The following LARGE1 variants were observed in gnomAD, a reference collection of about 807,000 sequenced individuals.
LARGE1 encodes xylosyl- and glucuronyltransferase LARGE1.
Under a neutral mutation model 87.6 loss-of-function variants are expected in LARGE1, and 43 were observed. That is an observed-to-expected ratio of 0.49 (90% CI 0.38 to 0.63). The LOEUF is 0.63. Among genes scored for constraint, LARGE1 ranks in the 30% least tolerant of loss-of-function variants. The probability of loss-of-function intolerance (pLI) is 0.00; values close to 1 mark genes in which losing one functional copy is unlikely to be tolerated. For synonymous variants in LARGE1, 434 were observed against 394.6 expected, an observed-to-expected ratio of 1.10 and a Z score of -1.18; for missense variants, 802 against 1,000.2, an observed-to-expected ratio of 0.80 and a Z score of 2.67.
At chr22:33,477,637 C>G (rs1171987790) in intron 6 of LARGE1, among the ~76,000 whole-genome samples, 1 of 152,152 alleles carries the variant, frequency 6.6e-6, no homozygotes, top group Non-Finnish European at 1.5e-5. Context: ...CCACAAAATG[C>G]CAGTGAGCTC....
intron 2 of LARGE1, among the ~76,000 whole-genome samples, chr22:33,663,221 C>T (rs1312962170): frequency 1.3e-5 from 2 of 152,092 alleles, no homozygotes; most frequent in African/African-American, 4.8e-5. Flanking sequence ...GGGATGGGCA[C>T]TTGGCAAAGA....
chr22:33,839,475 T>C (rs559720499), intron 1 of LARGE1, among the ~76,000 whole-genome samples: 2 of 152,344 alleles, frequency 1.3e-5, no homozygotes, highest in Admixed American at 1.3e-4. Flanking sequence ...GAAAAAAGCA[T>C]GTTTTCCTCA....
intron 11 of LARGE1, among the ~76,000 whole-genome samples, chr22:33,308,159 G>A (rs772323811): frequency 3.3e-5 from 5 of 152,170 alleles, no homozygotes; most frequent in Admixed American, 6.5e-5. Flanking sequence ...TAGTCATAAA[G>A]GAACAGGTAG....
At chr22:33,838,264 T>G (rs1480197687) in intron 1 of LARGE1, among the ~76,000 whole-genome samples, 1 of 152,204 alleles carries the variant, frequency 6.6e-6, no homozygotes, top group African/African-American at 2.4e-5. Flanking sequence ...TCTGACATTC[T>G]ATGTGGGGAC....
At chr22:33,306,225 G>A (rs542761817) in intron 11 of LARGE1, among the ~76,000 whole-genome samples, 38 of 152,276 alleles carry the variant, frequency 2.5e-4, no homozygotes, top group South Asian at 6.2e-4. Flanking sequence ...TCTGCTGTGG[G>A]GGCCTGCCCT....
At chr22:33,107,468 T>C in the LARGE1 span, among the ~76,000 whole-genome samples, 1 of 152,178 alleles carries the variant, frequency 6.6e-6, no homozygotes, top group Non-Finnish European at 1.5e-5. Flanking sequence ...GGTAGGAGAC[T>C]TGCTGGAGCC....
intron 4 of LARGE1, among the ~76,000 whole-genome samples, chr22:33,609,988 A>C (rs535409533): frequency 1.3e-5 from 2 of 152,206 alleles, no homozygotes; most frequent in Admixed American, 1.3e-4. Flanking sequence ...ACCTTCTGCC[A>C]TAAGTAAACA....
chr22:33,141,697 A>G, the LARGE1 span, among the ~76,000 whole-genome samples: 64,047 of 151,900 alleles, frequency 0.42, 13,953 homozygotes, highest in South Asian at 0.68. Context: ...TAAGACAAGC[A>G]CCCACTCTAC....
chr22:33,496,263 T>G, intron 6 of LARGE1, among the ~76,000 whole-genome samples: 1 of 152,112 alleles, frequency 6.6e-6, no homozygotes, highest in South Asian at 2.1e-4. Flanking sequence ...TCTTTCCTAG[T>G]CCACTGACTC....
chr22:33,122,167 A>C, the LARGE1 span, among the ~76,000 whole-genome samples: 1 of 152,050 alleles, frequency 6.6e-6, no homozygotes, highest in Admixed American at 6.6e-5. Flanking sequence ...AACTGGCTTG[A>C]CCACATACTT....
intron 11 of LARGE1, among the ~76,000 whole-genome samples, chr22:33,264,429 C>T (rs575194542): frequency 2.6e-5 from 4 of 152,298 alleles, no homozygotes; most frequent in South Asian, 2.1e-4. Context: ...GAGGCCAAAG[C>T]GGGTGGATCA....
the LARGE1 span, among the ~76,000 whole-genome samples, chr22:33,156,591 T>A: frequency 6.0e-4 from 92 of 152,316 alleles, 1 homozygote; most frequent in African/African-American, 2.1e-3. Context: ...GAGGTAACTA[T>A]CTTGCTTTTG....
intron 2 of LARGE1, among the ~76,000 whole-genome samples, chr22:33,722,823 G>T (rs2149446361): frequency 6.6e-6 from 1 of 152,300 alleles, no homozygotes; most frequent in Non-Finnish European, 1.5e-5. Context: ...GACAGAAAAG[G>T]AACACGTGCA....
intron 1 of LARGE1, among the ~76,000 whole-genome samples, chr22:33,890,212 C>T (rs2064968703): frequency 6.6e-6 from 1 of 152,230 alleles, no homozygotes; most frequent in African/African-American, 2.4e-5. Context: ...AGTTTCTCCC[C>T]TACCCAGCCC....
At chr22:33,126,967 C>G in the LARGE1 span, among the ~76,000 whole-genome samples, 2 of 152,010 alleles carry the variant, frequency 1.3e-5, no homozygotes, top group Admixed American at 6.6e-5. Context: ...GCTCTGTATT[C>G]TGTTATTTCA....
At position 33,785,169 on chromosome 22, in the gene LARGE1, A is replaced by G. The variant is rs1258000947; in HGVS notation, c.-82-23611T>C. On this transcript the variant is annotated intron_variant, in intron 1 of 14. Coordinates refer to ENST00000397394, the MANE Select transcript of LARGE1 (RefSeq NM_133642.5). ...TATGTGTATATACATATATGTGTATACATACATATGTGTATATACATATAT... is the reference window on the plus strand; with the variant it reads ...TATGTGTATATACATATATGTGTATGCATACATATGTGTATATACATATAT... 2.0e-5 allele frequency among the ~76,000 whole-genome samples: 3 copies of G among 150,166 alleles called. 1 individual carries two copies. Among genetic ancestry groups the G allele is most frequent in the South Asian group, 4.2e-4 (2 of 4,778 alleles).
intron 11 of LARGE1, among the ~76,000 whole-genome samples, chr22:33,213,856 A>C (rs1052934209): frequency 2.0e-5 from 3 of 151,322 alleles, no homozygotes. Context: ...ACGGAGTCTC[A>C]CTCTGTCTGT....
In LARGE1 at chr22:33,274,154, C is replaced by T; in HGVS notation, c.*273G>A. The T allele has an allele frequency of 7.0e-6, 4 of 570,222 alleles. No individual in the cohort carries two copies. The highest frequency in any genetic ancestry group is 6.1e-5 in the South Asian group (3 of 49,516). The allele number at this position is 570,222 out of a possible 1,614,324, so 35.3% of individuals were successfully genotyped here. A position where few individuals can be genotyped will look rare whatever the true frequency, so the allele number is the denominator to read the frequency against. On this transcript the variant is annotated 3_prime_UTR_variant, in exon 15 of 15. Transcript: ENST00000397394. ...TTGCAGTAAGATGATAACCCTTTTA[C>T]TCCCTGTCACCCCTTGATTTCCCAT...
At chr22:33,537,162 T>C (rs2077066395) in intron 6 of LARGE1, among the ~76,000 whole-genome samples, 1 of 152,234 alleles carries the variant, frequency 6.6e-6, no homozygotes, top group Non-Finnish European at 1.5e-5. Context: ...TGTACCACAT[T>C]TCACTACAAA....
Sources: allele counts gnomAD v4.1 joint callset (sites outside exome capture counted in the v4.1 genomes callset), GRCh38; gene constraint gnomAD v4.1.1; transcripts MANE v1.5; gene names NCBI Gene and HGNC (gene_info 2026-07-23, HGNC 2026-07-21).